The following FTCDNL1 variants were observed in gnomAD, a reference collection of about 807,000 sequenced individuals.
FTCDNL1 encodes the protein formiminotransferase N-terminal subdomain-containing protein.
A neutral mutation model predicts 5.9 loss-of-function variants in FTCDNL1; 11 were observed. The observed-to-expected ratio is 1.87, with a 90% confidence interval of 1.18 to 3.10. The LOEUF is 3.10. Ranked by LOEUF, FTCDNL1 falls within the 30% of genes most tolerant of loss-of-function variation. The pLI, the probability that FTCDNL1 is intolerant of heterozygous loss-of-function variation, is 0.00. For synonymous variants in FTCDNL1, 58 were observed against 24.8 expected, an observed-to-expected ratio of 2.34 and a Z score of -3.99; for missense variants, 115 against 65.5, an observed-to-expected ratio of 1.76 and a Z score of -2.61.
intron 3 of FTCDNL1, among the ~76,000 whole-genome samples, chr2:199,842,714 T>A (rs2076623208): frequency 6.6e-6 from 1 of 152,198 alleles, no homozygotes; most frequent in East Asian, 1.9e-4. Flanking sequence ...CATTTTTGCA[T>A]ACAAAGTATA....
chr2:199,695,946 C>G, the FTCDNL1 span, among the ~76,000 whole-genome samples: 1 of 152,198 alleles, frequency 6.6e-6, no homozygotes, highest in African/African-American at 2.4e-5. Flanking sequence ...ATCTGAGCAC[C>G]CTCCTGTCTG....
At chr2:199,679,344 G>C in the FTCDNL1 span, among the ~76,000 whole-genome samples, 1 of 151,910 alleles carries the variant, frequency 6.6e-6, no homozygotes, top group Non-Finnish European at 1.5e-5. Flanking sequence ...CAATTTTGGG[G>C]TTTTTAAAAA....
intron 3 of FTCDNL1, among the ~76,000 whole-genome samples, chr2:199,825,887 G>A (rs1031891069): frequency 6.6e-6 from 1 of 152,200 alleles, no homozygotes; most frequent in African/African-American, 2.4e-5. Context: ...ATCTACAATG[G>A]TTGAGGAGGT....
At chr2:199,743,594 G>C in the FTCDNL1 span, among the ~76,000 whole-genome samples, 1 of 152,244 alleles carries the variant, frequency 6.6e-6, no homozygotes, top group East Asian at 1.9e-4. Flanking sequence ...CAGCCTGTCA[G>C]AGGCTCTGGG....
chr2:199,816,257 T>A (rs1164208654), intron 4 of FTCDNL1, among the ~76,000 whole-genome samples: 1 of 152,176 alleles, frequency 6.6e-6, no homozygotes, highest in Non-Finnish European at 1.5e-5. Flanking sequence ...CTGCCCAAAC[T>A]TGGCAAACTG....
chr2:199,758,836 C>T (rs1698161742), downstream of FTCDNL1, among the ~76,000 whole-genome samples: 1 of 152,122 alleles, frequency 6.6e-6, no homozygotes, highest in African/African-American at 2.4e-5. Context: ...CTGATGCTCA[C>T]AAAATTTTGA....
the FTCDNL1 span, among the ~76,000 whole-genome samples, chr2:199,720,026 T>C: frequency 2.0e-4 from 31 of 152,312 alleles, no homozygotes; most frequent in Middle Eastern, 6.8e-3. Flanking sequence ...GTAGCTATTA[T>C]AAATGCAATT....
At chr2:199,670,904 A>G in the FTCDNL1 span, among the ~76,000 whole-genome samples, 1 of 152,164 alleles carries the variant, frequency 6.6e-6, no homozygotes, top group African/African-American at 2.4e-5. Flanking sequence ...TAAGGCTCAC[A>G]TGACAGTAGC....
the FTCDNL1 span, among the ~76,000 whole-genome samples, chr2:199,750,024 A>C: frequency 0.015 from 2,290 of 150,926 alleles, 54 homozygotes; most frequent in East Asian, 0.15. Flanking sequence ...CCTAGTATGT[A>C]CCCCCAAAAA....
intron 3 of FTCDNL1, among the ~76,000 whole-genome samples, chr2:199,775,011 G>A (rs1321207202): frequency 6.6e-6 from 1 of 152,152 alleles, no homozygotes; most frequent in Non-Finnish European, 1.5e-5. Flanking sequence ...TCCCATCCCT[G>A]TTCACCACTG....
chr2:199,745,902 A>C, the FTCDNL1 span, among the ~76,000 whole-genome samples: 3 of 152,192 alleles, frequency 2.0e-5, no homozygotes, highest in Non-Finnish European at 2.9e-5. Flanking sequence ...TCTCAATCAA[A>C]TTGCTATCCT....
downstream of FTCDNL1, among the ~76,000 whole-genome samples, chr2:199,809,164 T>C (rs760866594): frequency 4.0e-5 from 6 of 151,652 alleles, no homozygotes; most frequent in Middle Eastern, 3.4e-3. Context: ...TCCAGAATAA[T>C]ATAAATGCAG....
chr2:199,764,451 T>C (rs1294943079), intron 3 of FTCDNL1, among the ~76,000 whole-genome samples: 1 of 152,192 alleles, frequency 6.6e-6, no homozygotes, highest in East Asian at 1.9e-4. Context: ...TGCTGCCACT[T>C]AGACTATCAC....
chr2:199,705,443 C>A, the FTCDNL1 span, among the ~76,000 whole-genome samples: 152 of 152,226 alleles, frequency 1.0e-3, no homozygotes, highest in Non-Finnish European at 1.8e-3. Flanking sequence ...TTGAATTACA[C>A]TTTATTTTTG....
the FTCDNL1 span, among the ~76,000 whole-genome samples, chr2:199,717,538 C>CTTTTTTTTTTTTTTTTTTTTTTT: frequency 5.5e-5 from 2 of 36,560 alleles, no homozygotes; most frequent in Admixed American, 6.5e-4. Flanking sequence ...TTTTTTTTTG[C>CTTTTTTTTTTTTTTTTTTTTTTT]TTCCTCACAT....
intron 3 of FTCDNL1, among the ~76,000 whole-genome samples, chr2:199,820,585 A>C (rs889886003): frequency 1.3e-5 from 2 of 152,236 alleles, no homozygotes; most frequent in Admixed American, 1.3e-4. Flanking sequence ...CGCCACAGAA[A>C]GTTCTATTGG....
At chr2:199,756,391 T>C (rs1375594391), downstream of FTCDNL1, among the ~76,000 whole-genome samples, 1 of 151,950 alleles carries the variant, frequency 6.6e-6, no homozygotes, top group Non-Finnish European at 1.5e-5. Flanking sequence ...TCCTCCTCTC[T>C]GGGCCATTTT....
the FTCDNL1 span, among the ~76,000 whole-genome samples, chr2:199,730,081 G>A: frequency 6.6e-6 from 1 of 152,152 alleles, no homozygotes; most frequent in Non-Finnish European, 1.5e-5. Context: ...CCACAAACCT[G>A]ACAAGAACAA....
At chr2:199,694,412 G>A in the FTCDNL1 span, among the ~76,000 whole-genome samples, 1 of 152,204 alleles carries the variant, frequency 6.6e-6, no homozygotes, top group African/African-American at 2.4e-5. Flanking sequence ...GGTTTCAAGT[G>A]GATGAATACT....
Sources: gnomAD v4.1 joint callset for allele counts (sites outside exome capture counted in the v4.1 genomes callset) on GRCh38, gnomAD v4.1.1 for gene constraint, MANE v1.5 for transcripts, NCBI Gene and HGNC (gene_info 2026-07-23, HGNC 2026-07-21) for gene names.